LYPLAL1: variants seen among roughly 807,000 people sequenced by gnomAD.
LYPLAL1 encodes the protein lysophospholipase like 1, also known as lysophospholipase-like protein 1.
In LYPLAL1, 23 loss-of-function variants were observed where a neutral mutation model predicts 19.7. The ratio of observed to expected loss-of-function variants is 1.17; its 90% CI spans 0.84 to 1.65. The LOEUF (loss-of-function observed/expected upper bound fraction) is 1.65. Among genes scored for constraint, LYPLAL1 ranks in the 40% most tolerant of loss-of-function variants. LYPLAL1 has a pLI of 0.00. For synonymous variants in LYPLAL1, 119 were observed against 96.3 expected (o/e 1.24, Z -1.38); for missense variants, 355 against 279.4 (o/e 1.27, Z -1.93).
At chr1:219,429,118 T>C in the LYPLAL1 span, among the ~76,000 whole-genome samples, 1 of 152,186 alleles carries the variant, frequency 6.6e-6, no homozygotes. Flanking sequence ...TCATTTTGTG[T>C]CACCAAACTC....
At chr1:219,418,592 C>T in the LYPLAL1 span, among the ~76,000 whole-genome samples, 1 of 152,230 alleles carries the variant, frequency 6.6e-6, no homozygotes, top group African/African-American at 2.4e-5. Context: ...CAGCTATCAA[C>T]CTCCACCAGA....
rs557712792 is a variant in LYPLAL1 at position 219,174,931 on chromosome 1, G to GA, written c.91+957dup. On this transcript the variant is annotated intron_variant, in intron 1 of 4. Coordinates refer to ENST00000366928, the MANE Select transcript of LYPLAL1 (RefSeq NM_138794.5). ...GTTTCCTGCCAAGTGAATTGTAAGA[G>GA]AAAAAAATGTGGTTAGGCATTATTA... 22 of 985,368 alleles carry GA rather than the reference G, an allele frequency of 2.2e-5. No homozygotes were observed. In the East Asian group the frequency reaches 1.1e-3, roughly 51 times the overall value. 61.0% of individuals were successfully genotyped at this position (985,368 alleles called of 1,614,324 possible). A position where few individuals can be genotyped will look rare whatever the true frequency, so the allele number is the denominator to read the frequency against.
chr1:219,217,895 CAATA>C, the LYPLAL1 span, among the ~76,000 whole-genome samples: 1 of 151,878 alleles, frequency 6.6e-6, no homozygotes, highest in Non-Finnish European at 1.5e-5. Flanking sequence ...ATCAGTATCA[CAATA>C]AATTACATTT....
the LYPLAL1 span, among the ~76,000 whole-genome samples, chr1:219,296,727 C>T: frequency 0.053 from 8,004 of 152,126 alleles, 439 homozygotes; most frequent in African/African-American, 0.13. Context: ...TGCATACTTC[C>T]AACATTAGTT....
chr1:219,306,296 C>T, the LYPLAL1 span, among the ~76,000 whole-genome samples: 3 of 152,068 alleles, frequency 2.0e-5, no homozygotes, highest in Admixed American at 2.0e-4. Context: ...TTATTGGGAG[C>T]TCTGATGGTT....
chr1:219,241,309 G>C, the LYPLAL1 span, among the ~76,000 whole-genome samples: 1 of 151,164 alleles, frequency 6.6e-6, no homozygotes, highest in Non-Finnish European at 1.5e-5. Flanking sequence ...AGACTATGAC[G>C]TGAGCAAGAA....
At chr1:219,281,297 A>G in the LYPLAL1 span, among the ~76,000 whole-genome samples, 190 of 148,654 alleles carry the variant, frequency 1.3e-3, no homozygotes, top group Non-Finnish European at 1.9e-3. Flanking sequence ...TTAAAAAAAT[A>G]AAAATAAAGA....
chr1:219,336,443 T>C, the LYPLAL1 span, among the ~76,000 whole-genome samples: 1 of 151,892 alleles, frequency 6.6e-6, no homozygotes, highest in Non-Finnish European at 1.5e-5. Context: ...GAGTAAAAAA[T>C]ACTTAAGACA....
chr1:219,419,850 C>T, the LYPLAL1 span, among the ~76,000 whole-genome samples: 1 of 152,078 alleles, frequency 6.6e-6, no homozygotes, highest in African/African-American at 2.4e-5. Context: ...AATTAAGGCG[C>T]CTCTGGAAGG....
chr1:219,419,849 G>T, the LYPLAL1 span, among the ~76,000 whole-genome samples: 3 of 152,106 alleles, frequency 2.0e-5, no homozygotes, highest in Non-Finnish European at 2.9e-5. Flanking sequence ...TAATTAAGGC[G>T]CCTCTGGAAG....
chr1:219,318,932 GAGA>G, the LYPLAL1 span, among the ~76,000 whole-genome samples: 15 of 152,306 alleles, frequency 9.8e-5, no homozygotes, highest in South Asian at 3.1e-3. Flanking sequence ...TTCTTTCCGG[GAGA>G]AGATGGTGTG....
chr1:219,404,376 A>T, the LYPLAL1 span, among the ~76,000 whole-genome samples: 1 of 152,212 alleles, frequency 6.6e-6, no homozygotes, highest in Non-Finnish European at 1.5e-5. Context: ...GGTTGCTAAT[A>T]ATCTAGTCCT....
the LYPLAL1 span, among the ~76,000 whole-genome samples, chr1:219,370,347 C>T: frequency 6.6e-6 from 1 of 152,144 alleles, no homozygotes; most frequent in Non-Finnish European, 1.5e-5. Context: ...TTTCTCGTGG[C>T]CCATGATTGA....
the LYPLAL1 span, among the ~76,000 whole-genome samples, chr1:219,282,538 T>A: frequency 1.4e-5 from 2 of 147,652 alleles, no homozygotes; most frequent in Admixed American, 1.4e-4. Context: ...AGGTAGGTTA[T>A]GGTAAAATAT....
At chr1:219,442,727 A>T in the LYPLAL1 span, 1 of 152,154 alleles carries the variant, frequency 6.6e-6, no homozygotes, top group African/African-American at 2.4e-5. Flanking sequence ...AACCAGAGGG[A>T]AGGAGCTCTG....
chr1:219,344,249 C>T, the LYPLAL1 span, among the ~76,000 whole-genome samples: 2 of 152,152 alleles, frequency 1.3e-5, no homozygotes, highest in South Asian at 4.1e-4. Flanking sequence ...CAGTGAACCC[C>T]CATTGTTTTC....
the LYPLAL1 span, among the ~76,000 whole-genome samples, chr1:219,225,703 G>T: frequency 1.3e-5 from 2 of 152,016 alleles, no homozygotes; most frequent in East Asian, 3.9e-4. Flanking sequence ...AGCCCTGCTG[G>T]CTCCCCATGT....
At chr1:219,179,643 A>G (rs1656110445) in intron 2 of LYPLAL1, among the ~76,000 whole-genome samples, 1 of 152,216 alleles carries the variant, frequency 6.6e-6, no homozygotes, top group African/African-American at 2.4e-5. Flanking sequence ...ATCTCTGGGA[A>G]AGGGTTTTAT....
At chr1:219,362,763 A>C in the LYPLAL1 span, among the ~76,000 whole-genome samples, 1 of 152,100 alleles carries the variant, frequency 6.6e-6, no homozygotes, top group Non-Finnish European at 1.5e-5. Context: ...TTATTGTACA[A>C]GTAGTGAGTT....
Sources: allele counts gnomAD v4.1 joint callset (sites outside exome capture counted in the v4.1 genomes callset), GRCh38; gene constraint gnomAD v4.1.1; transcripts MANE v1.5; gene names NCBI Gene and HGNC (gene_info 2026-07-23, HGNC 2026-07-21).